Variants in KHDRBS2 observed in about 807,000 individuals in gnomAD.
KHDRBS2 encodes the protein KH RNA binding domain containing, signal transduction associated 2.
Under a neutral mutation model 44.3 loss-of-function variants are expected in KHDRBS2, and 26 were observed. That is an observed-to-expected ratio of 0.59 (90% CI 0.43 to 0.81). The LOEUF (loss-of-function observed/expected upper bound fraction) is 0.81. Among genes scored for constraint, KHDRBS2 ranks in the 40% least tolerant of loss-of-function variants. The pLI, the probability that KHDRBS2 is intolerant of heterozygous loss-of-function variation, is 0.00. For synonymous variants in KHDRBS2, 194 were observed against 151.1 expected, an observed-to-expected ratio of 1.28 and a Z score of -2.08; for missense variants, 476 against 433.1, an observed-to-expected ratio of 1.10 and a Z score of -0.88.
chr6:62,184,533 A>T (rs1823035329), intron 1 of KHDRBS2, among the ~76,000 whole-genome samples: 1 of 151,802 alleles, frequency 6.6e-6, no homozygotes, highest in Admixed American at 6.6e-5. Context: ...AAAATTGAGG[A>T]GTCCTTAATG....
chr6:61,978,145 A>G lies in KHDRBS2; in HGVS notation c.404T>C (p.Ile135Thr). The change falls in exon 4 of 9, where the codon ATT (isoleucine) becomes ACT (threonine). Residue 135 changes from isoleucine to threonine, a missense_variant. Ile to Thr is a moderately conservative substitution (Grantham distance 89). Coordinates refer to ENST00000281156, the MANE Select transcript of KHDRBS2 (RefSeq NM_152688.4). ...AHLSDELHVL[I>T]EVFAPPGEAY... ...TTCCCCAGGTGGAGCAAACACTTCA[A>G]TTAATACATGAAGCTCATCACTCAA... 1 of 1,611,390 alleles carries G rather than the reference A, an allele frequency of 6.2e-7. No individual in the cohort carries two copies. Among genetic ancestry groups the G allele is most frequent in the Non-Finnish European group, 8.5e-7 (1 of 1,177,880 alleles).
intron 4 of KHDRBS2, among the ~76,000 whole-genome samples, chr6:61,975,835 G>A (rs894114339): frequency 1.4e-4 from 22 of 152,208 alleles, no homozygotes; most frequent in African/African-American, 4.8e-4. Context: ...AAGGTAAAGG[G>A]GGCAGCTACT....
the KHDRBS2 span, among the ~76,000 whole-genome samples, chr6:61,612,033 T>C: frequency 5.9e-5 from 9 of 152,220 alleles, no homozygotes; most frequent in Non-Finnish European, 1.2e-4. Flanking sequence ...CATGTGCATA[T>C]ATAAATTATA....
the KHDRBS2 span, among the ~76,000 whole-genome samples, chr6:61,636,985 CACTA>C: frequency 1.3e-5 from 2 of 151,956 alleles, no homozygotes; most frequent in Non-Finnish European, 2.9e-5. Context: ...TACAAGAAGA[CACTA>C]ACCAATAAAG....
At chr6:61,820,538 A>G (rs1197204572) in intron 6 of KHDRBS2, among the ~76,000 whole-genome samples, 2 of 152,056 alleles carry the variant, frequency 1.3e-5, no homozygotes, top group Non-Finnish European at 2.9e-5. Context: ...TCAGATTAAC[A>G]AATTCAGATC....
chr6:62,137,542 A>C (rs1252454569), intron 2 of KHDRBS2, among the ~76,000 whole-genome samples: 1 of 152,234 alleles, frequency 6.6e-6, no homozygotes, highest in Non-Finnish European at 1.5e-5. Flanking sequence ...ACATTAAGTG[A>C]CAACTGATAG....
chr6:61,658,494 A>G, the KHDRBS2 span, among the ~76,000 whole-genome samples: 1 of 151,954 alleles, frequency 6.6e-6, no homozygotes, highest in East Asian at 1.9e-4. Context: ...ATTAATTTTT[A>G]AAATCTGCAT....
chr6:61,954,628 A>G (rs147043411), intron 4 of KHDRBS2, among the ~76,000 whole-genome samples: 39,169 of 129,010 alleles, frequency 0.3, 7,646 homozygotes, highest in Admixed American at 0.36. Flanking sequence ...ATATATATGT[A>G]TATATACACA....
intron 2 of KHDRBS2, among the ~76,000 whole-genome samples, chr6:62,165,818 G>A (rs1818564643): frequency 6.6e-6 from 1 of 151,886 alleles, no homozygotes; most frequent in African/African-American, 2.4e-5. Context: ...GTAGCTGCAT[G>A]TCACTATACC....
At chr6:62,285,319 T>TA (rs1485342802) in intron 1 of KHDRBS2, among the ~76,000 whole-genome samples, 2 of 152,198 alleles carry the variant, frequency 1.3e-5, no homozygotes, top group Non-Finnish European at 2.9e-5. Context: ...ATAAGCACTT[T>TA]AGCCTTTACT....
At position 62,262,724 on chromosome 6, in the gene KHDRBS2, T is replaced by G. The variant is rs1171445606; in HGVS notation, c.91+23134A>C. Among the ~76,000 whole-genome samples the G allele has an allele frequency of 2.0e-5, 3 of 151,692 alleles. No individual in the cohort carries two copies. The East Asian group carries it at 5.8e-4, about 29-fold the overall frequency. The stretch of plus-strand genomic sequence containing the variant: ...TTGATTCCTACATCTAGCACAGTGC[T>G]TAAAACATGGTTATACTCAATTAGT... On this transcript the variant is annotated intron_variant, in intron 1 of 8. Coordinates refer to ENST00000281156, the MANE Select transcript of KHDRBS2 (RefSeq NM_152688.4).
chr6:62,273,215 A>G (rs1311866186), intron 1 of KHDRBS2, among the ~76,000 whole-genome samples: 1 of 152,138 alleles, frequency 6.6e-6, no homozygotes, highest in Non-Finnish European at 1.5e-5. Context: ...AATATTATCA[A>G]TTTCATACAG....
At chr6:62,258,802 C>T (rs1290526514) in intron 1 of KHDRBS2, among the ~76,000 whole-genome samples, 2 of 151,942 alleles carry the variant, frequency 1.3e-5, no homozygotes, top group Non-Finnish European at 2.9e-5. Context: ...TCAACCTGTA[C>T]ATGAAAATAA....
At chr6:61,741,977 A>G (rs1398108449) in intron 6 of KHDRBS2, among the ~76,000 whole-genome samples, 1 of 152,050 alleles carries the variant, frequency 6.6e-6, no homozygotes, top group Non-Finnish European at 1.5e-5. Context: ...AATAAAATAC[A>G]TAAATTAAGG....
At chr6:61,651,469 AC>A in the KHDRBS2 span, among the ~76,000 whole-genome samples, 3 of 152,132 alleles carry the variant, frequency 2.0e-5, no homozygotes, top group African/African-American at 7.2e-5. Context: ...GCAACTAGTC[AC>A]ATGAGGTCAG....
At chr6:61,930,902 T>G (rs1332255309) in intron 4 of KHDRBS2, among the ~76,000 whole-genome samples, 1 of 152,082 alleles carries the variant, frequency 6.6e-6, no homozygotes. Flanking sequence ...ACCACATTTT[T>G]TACTCAAAGA....
chr6:62,189,835 G>A (rs953489768), intron 1 of KHDRBS2, among the ~76,000 whole-genome samples: 42 of 152,110 alleles, frequency 2.8e-4, no homozygotes, highest in African/African-American at 9.2e-4. Flanking sequence ...ACTGGCAGAA[G>A]AACAGGCTTG....
intron 8 of KHDRBS2, among the ~76,000 whole-genome samples, chr6:61,681,883 C>G (rs540293133): frequency 6.6e-6 from 1 of 151,920 alleles, no homozygotes; most frequent in East Asian, 2.0e-4. Context: ...TAAAATAACT[C>G]AATGTTGGCT....
chr6:62,085,123 T>C lies in KHDRBS2; in HGVS notation c.220-37129A>G, dbSNP rs143897648. 7.5e-3 allele frequency among the ~76,000 whole-genome samples: 1,138 copies of C among 152,290 alleles called. 6 individuals are homozygous for C. Among genetic ancestry groups the C allele is most frequent in the East Asian group, 0.027 (142 of 5,178 alleles). On this transcript the variant is annotated intron_variant, in intron 2 of 8. Transcript: ENST00000281156. Reference sequence around the variant, plus strand: ...AGGAGTGCTATTTAGCACCTACTCATTCTGATATTAAGAACTGATTATATT... The same window carrying C: ...AGGAGTGCTATTTAGCACCTACTCACTCTGATATTAAGAACTGATTATATT...
Sources: allele counts gnomAD v4.1 joint callset (sites outside exome capture counted in the v4.1 genomes callset), GRCh38; gene constraint gnomAD v4.1.1; transcripts MANE v1.5; gene names NCBI Gene and HGNC (gene_info 2026-07-23, HGNC 2026-07-21).